The following SGK2 variants were observed in gnomAD, a reference collection of about 807,000 sequenced individuals.
SGK2 encodes serine/threonine-protein kinase Sgk2.
In SGK2, 36 loss-of-function variants were observed where a neutral mutation model predicts 47.5. That is an observed-to-expected ratio of 0.76 (90% confidence interval 0.58 to 1.00). The LOEUF (loss-of-function observed/expected upper bound fraction) is 1.00, where lower values mean the gene tolerates loss of function less well. Among genes scored for constraint, SGK2 ranks in the 50% least tolerant of loss-of-function variants. The pLI is 0.00. For synonymous variants in SGK2, 157 were observed against 181.9 expected (o/e 0.86, Z 1.10); for missense variants, 404 against 467.4 (o/e 0.86, Z 1.25).
In SGK2 at chr20:43,583,679, A is replaced by C. The variant is rs963176881; in HGVS notation, c.940-1173A>C. The C allele has an allele frequency of 7.7e-6, 7 of 906,042 alleles. No homozygotes were observed. The East Asian group carries it at 5.9e-4, about 77-fold the overall frequency. The allele number at this position is 906,042 out of a possible 1,614,324, so 56.1% of individuals were successfully genotyped here. ...CCAAAGCTAGGTGGCTTAAAACAAC[A>C]ATCTTTTGGCTGGGCATGGTAGTTC... is the stretch of plus-strand genomic sequence containing the variant. On this transcript the variant is annotated intron_variant, in intron 12 of 12. Transcript: ENST00000373100.
At chr20:43,584,617 CAGTA>C (rs910433854) in intron 12 of SGK2, among the ~76,000 whole-genome samples, 1 of 152,166 alleles carries the variant, frequency 6.6e-6, no homozygotes, top group African/African-American at 2.4e-5. Context: ...GGTAGGCATT[CAGTA>C]AGTGTTATGT....
intron 12 of SGK2, chr20:43,583,258 T>A: frequency 7.8e-7 from 1 of 1,289,792 alleles, no homozygotes; most frequent in Non-Finnish European, 1.0e-6. Context: ...AATGTCGAAC[T>A]TATACCCTGG....
rs1409400518 is a variant in SGK2 at position 43,570,873 on chromosome 20, C to T, written c.473+144C>T. ...GGGTTGGAGTCTCCTCCTCCGAGGT[C>T]CAAGTGCCCAGCCTTTCTGGGCTCT... On this transcript the variant is annotated intron_variant, in intron 7 of 12. Transcript: ENST00000373100. The T allele has an allele frequency of 2.2e-6, 3 of 1,348,248 alleles. No homozygotes were observed. The East Asian group carries it at 6.9e-5, about 31-fold the overall frequency. 83.5% of individuals were successfully genotyped at this position (1,348,248 alleles called of 1,614,324 possible).
chr20:43,566,660 G>A (rs1463351457), intron 2 of SGK2, 129 bp downstream of exon 2: 2 of 643,654 alleles, frequency 3.1e-6, no homozygotes, highest in Admixed American at 5.8e-5. Context: ...TGAGCCACTT[G>A]CAGGGTGAAT....
In SGK2 at chr20:43,571,104, T is replaced by G; in HGVS notation, c.510+44T>G. The G allele has an allele frequency of 6.3e-7, 1 of 1,589,908 alleles. No individual in the cohort carries two copies. Among genetic ancestry groups the G allele is most frequent in the Non-Finnish European group, 8.5e-7 (1 of 1,169,594 alleles). On this transcript the variant is annotated intron_variant, in intron 8 of 12. Coordinates refer to ENST00000373100, the MANE Select transcript of SGK2 (RefSeq NM_170693.3). ...GTGTGTGTGTGTGTGTGTGTGTGTA[T>G]GTGGTTGCACAGGTACACTATCTGA...
intron 9 of SGK2, among the ~76,000 whole-genome samples, chr20:43,573,737 T>C (rs1410832219): frequency 1.3e-5 from 2 of 152,184 alleles, no homozygotes; most frequent in Non-Finnish European, 2.9e-5. Flanking sequence ...GGGTAGCTGA[T>C]GGTCGGATGA....
chr20:43,580,066 G>C lies in SGK2; in HGVS notation c.939+5G>C. 6.3e-7 allele frequency: 1 copy of C among 1,578,508 alleles called. No homozygotes were observed. The highest frequency in any genetic ancestry group is 1.2e-5 in the South Asian group (1 of 86,840). ...CCACCCTTCAACCCAAATGTGGTAA[G>C]AGGTCACAGCATTCTAGACTCTGGA... On this transcript the variant is annotated splice_donor_5th_base_variant and intron_variant, in intron 12 of 12. Transcript: ENST00000373100.
In SGK2 at chr20:43,572,114, TCCACATTCTGTGGTA is replaced by T; in HGVS notation, c.577_591del (p.Thr193_Thr197del). The T allele has an allele frequency of 6.5e-7, 1 of 1,549,360 alleles. No homozygotes were observed. Among genetic ancestry groups the T allele is most frequent in the Non-Finnish European group, 8.7e-7 (1 of 1,145,286 alleles). On this transcript the variant is annotated inframe_deletion, in exon 9 of 13. Coordinates refer to ENST00000373100, the MANE Select transcript of SGK2 (RefSeq NM_170693.3). This position sits in a 1 kb window ranked among gnomAD's most constrained non-coding sequence, Gnocchi z 4.2. ...AGGTGTAGAGCCTGAAGACACCACA[TCCACATTCTGTGGTA>T]CCCCTGAGGTAAGCGTAAACATCCC...
intron 1 of SGK2, among the ~76,000 whole-genome samples, chr20:43,561,844 A>G (rs1979404751): frequency 6.6e-6 from 1 of 152,202 alleles, no homozygotes; most frequent in South Asian, 2.1e-4. Context: ...TGGAGAAGCC[A>G]TTGCAATAAT....
chr20:43,584,424 C>T (rs753200770), intron 12 of SGK2, among the ~76,000 whole-genome samples: 4 of 152,138 alleles, frequency 2.6e-5, no homozygotes, highest in Non-Finnish European at 5.9e-5. Context: ...AAAGCAGCCC[C>T]AGTCAATCTC....
intron 3 of SGK2, among the ~76,000 whole-genome samples, chr20:43,567,398 A>T (rs111743936): frequency 2.6e-5 from 4 of 152,296 alleles, no homozygotes; most frequent in Admixed American, 6.5e-5. Context: ...CCTTCTATGC[A>T]GGCCTTCTGT....
intron 6 of SGK2, 101 bp from the exon 7 acceptor site, chr20:43,570,516 G>C (rs2145541371): frequency 1.4e-6 from 1 of 721,448 alleles, no homozygotes; most frequent in Non-Finnish European, 2.4e-6. Context: ...CTGCAGGTCA[G>C]AGAGGGAGTG....
chr20:43,582,665 G>A (rs1216046608), intron 12 of SGK2, among the ~76,000 whole-genome samples: 3 of 146,952 alleles, frequency 2.0e-5, no homozygotes, highest in African/African-American at 7.6e-5. Flanking sequence ...TGGGATTACA[G>A]GCATGAGCCA....
chr20:43,559,309 C>T lies in SGK2; in HGVS notation c.-24+150C>T, dbSNP rs6130414. 39 of 152,366 alleles carry T rather than the reference C, an allele frequency of 2.6e-4. No individual in the cohort carries two copies. In the East Asian group the frequency reaches 6.7e-3, roughly 26 times the overall value. The allele number at this position is 152,366 out of a possible 1,614,324, so 9.4% of individuals were successfully genotyped here. A position where few individuals can be genotyped will look rare whatever the true frequency, so the allele number is the denominator to read the frequency against. Reference sequence around the variant, plus strand: ...GACTTCTTTCCCTTCTCCCTCCTTCCTTTCCTTCCTTCCCTCCCAACTATC... The same window carrying T: ...GACTTCTTTCCCTTCTCCCTCCTTCTTTTCCTTCCTTCCCTCCCAACTATC... On this transcript the variant is annotated intron_variant, in intron 1 of 12. Coordinates refer to ENST00000373100, the MANE Select transcript of SGK2 (RefSeq NM_170693.3).
At chr20:43,578,002 C>T (rs151255341) in intron 11 of SGK2, among the ~76,000 whole-genome samples, 2 of 152,000 alleles carry the variant, frequency 1.3e-5, no homozygotes, top group South Asian at 4.1e-4. Context: ...CCAGGCTGGG[C>T]AAATGGGATA....
intron 1 of SGK2, among the ~76,000 whole-genome samples, chr20:43,562,940 C>T (rs1163785395): frequency 6.6e-6 from 1 of 151,936 alleles, no homozygotes; most frequent in Non-Finnish European, 1.5e-5. Context: ...CGAGACCAGC[C>T]TGGCCAACAT....
At chr20:43,571,624 G>A (rs1007076129) in intron 8 of SGK2, among the ~76,000 whole-genome samples, 1 of 152,158 alleles carries the variant, frequency 6.6e-6, no homozygotes, top group Non-Finnish European at 1.5e-5. Flanking sequence ...TGCGGGCAAT[G>A]TTCTAGCAGC....
intron 11 of SGK2, among the ~76,000 whole-genome samples, chr20:43,577,311 G>A (rs556411353): frequency 4.0e-5 from 6 of 151,724 alleles, no homozygotes; most frequent in Admixed American, 2.6e-4. Flanking sequence ...AAGATTCCTC[G>A]GGCTTCTTTG....
chr20:43,559,861 A>G (rs1214259642), intron 1 of SGK2, among the ~76,000 whole-genome samples: 1 of 152,170 alleles, frequency 6.6e-6, no homozygotes, highest in East Asian at 1.9e-4. Context: ...AAGCAGGTCC[A>G]TGTAACAGTG....
Sources: allele counts gnomAD v4.1 joint callset (sites outside exome capture counted in the v4.1 genomes callset), GRCh38; gene constraint gnomAD v4.1.1; non-coding constraint Gnocchi (gnomAD v3.1); transcripts MANE v1.5; gene names NCBI Gene and HGNC (gene_info 2026-07-23, HGNC 2026-07-21).